The following IQCM variants were observed in gnomAD, a reference collection of about 807,000 sequenced individuals.
IQCM encodes the protein IQ motif containing M, also known as IQ domain-containing protein M.
A neutral mutation model predicts 57.6 loss-of-function variants in IQCM; 45 were observed. The ratio of observed to expected loss-of-function variants is 0.78; its 90% CI spans 0.62 to 1.00. IQCM has a LOEUF of 1.00. Among genes scored for constraint, IQCM ranks in the 50% least tolerant of loss-of-function variants. The probability of loss-of-function intolerance (pLI) is 0.00; values close to 1 mark genes in which losing one functional copy is unlikely to be tolerated. For synonymous variants in IQCM, 148 were observed against 158.9 expected (o/e 0.93, Z 0.51); for missense variants, 468 against 511.6 (o/e 0.91, Z 0.82).
At chr4:149,578,800 A>C (rs1324023921) in intron 9 of IQCM, among the ~76,000 whole-genome samples, 1 of 151,860 alleles carries the variant, frequency 6.6e-6, no homozygotes, top group Non-Finnish European at 1.5e-5. Flanking sequence ...TTTCCAAAAG[A>C]CTGGGGAGAC....
At chr4:149,607,414 A>T (rs1754887116) in intron 8 of IQCM, among the ~76,000 whole-genome samples, 1 of 152,134 alleles carries the variant, frequency 6.6e-6, no homozygotes, top group Non-Finnish European at 1.5e-5. Context: ...ACCTGAGAAA[A>T]AAAAGAGGTT....
chr4:149,494,170 G>A (rs903088872), intron 12 of IQCM, among the ~76,000 whole-genome samples: 3 of 151,918 alleles, frequency 2.0e-5, no homozygotes, highest in Admixed American at 6.6e-5. Flanking sequence ...CTCAGGCACA[G>A]CAGTCGTTTT....
chr4:149,689,091 G>A (rs1762758413), intron 5 of IQCM, among the ~76,000 whole-genome samples: 2 of 151,576 alleles, frequency 1.3e-5, no homozygotes, highest in African/African-American at 4.8e-5. Flanking sequence ...TAAAAACAAA[G>A]ATAAGGACAC....
chr4:149,432,655 C>T (rs1189864705), intron 13 of IQCM, among the ~76,000 whole-genome samples: 1 of 151,882 alleles, frequency 6.6e-6, no homozygotes, highest in Non-Finnish European at 1.5e-5. Flanking sequence ...AAATTGAAAA[C>T]TTCTGCTCTT....
chr4:149,734,081 C>A (rs529523142), intron 4 of IQCM, among the ~76,000 whole-genome samples: 49 of 152,088 alleles, frequency 3.2e-4, no homozygotes, highest in African/African-American at 1.0e-3. Context: ...TAATACAGCT[C>A]CAGGTCTCTG....
intron 2 of IQCM, among the ~76,000 whole-genome samples, chr4:149,757,556 C>T (rs926169721): frequency 6.6e-6 from 1 of 151,836 alleles, no homozygotes; most frequent in Non-Finnish European, 1.5e-5. Context: ...ATAAAATAGA[C>T]ATTAGATGAA....
intron 2 of IQCM, among the ~76,000 whole-genome samples, chr4:149,782,024 G>A (rs76144622): frequency 0.022 from 3,395 of 152,100 alleles, 64 homozygotes; most frequent in South Asian, 0.036. Context: ...AGAAGAGACC[G>A]TGTCTCAAAT....
intron 12 of IQCM, among the ~76,000 whole-genome samples, chr4:149,481,701 G>GTTTTTTTTTTTTTTTGTTTGTTTTTT (rs1740837055): frequency 1.2e-4 from 6 of 51,550 alleles, no homozygotes; most frequent in African/African-American, 4.5e-4. Context: ...TTCCAGTTTT[G>GTTTTTTTTTTTTTTTGTTTGTTTTTT]TTTTTTTTTT....
At chr4:149,743,879 A>G (rs764850488) in intron 2 of IQCM, among the ~76,000 whole-genome samples, 4 of 152,180 alleles carry the variant, frequency 2.6e-5, no homozygotes, top group Non-Finnish European at 5.9e-5. Flanking sequence ...ACATGCTCAA[A>G]TGGCTTTACA....
chr4:149,409,582 T>C (rs1041551704), intron 13 of IQCM, among the ~76,000 whole-genome samples: 2 of 152,230 alleles, frequency 1.3e-5, no homozygotes, highest in African/African-American at 4.8e-5. Context: ...GTTGGAAATT[T>C]GTGTGGTGAC....
chr4:149,559,756 T>G (rs1749940617), intron 10 of IQCM, among the ~76,000 whole-genome samples: 1 of 152,236 alleles, frequency 6.6e-6, no homozygotes, highest in South Asian at 2.1e-4. Flanking sequence ...GCACACGTTA[T>G]GTAATAAAAC....
At chr4:149,627,876 A>G (rs1180645870) in intron 7 of IQCM, among the ~76,000 whole-genome samples, 2 of 152,208 alleles carry the variant, frequency 1.3e-5, no homozygotes, top group African/African-American at 4.8e-5. Context: ...GGCAGACTTT[A>G]CTACAGAAGA....
chr4:149,782,836 T>C (rs1434933810), intron 2 of IQCM, among the ~76,000 whole-genome samples: 4 of 152,160 alleles, frequency 2.6e-5, no homozygotes, highest in Non-Finnish European at 4.4e-5. Context: ...GAAACATTTT[T>C]CTCACTTGGC....
At chr4:149,383,284 A>G (rs751510410) in intron 13 of IQCM, among the ~76,000 whole-genome samples, 6 of 152,206 alleles carry the variant, frequency 3.9e-5, no homozygotes, top group Non-Finnish European at 5.9e-5. Flanking sequence ...GACTTTCTCC[A>G]GTATCTAGGA....
intron 12 of IQCM, among the ~76,000 whole-genome samples, chr4:149,522,104 G>C (rs1458033255): frequency 2.6e-5 from 4 of 152,172 alleles, no homozygotes; most frequent in Non-Finnish European, 4.4e-5. Context: ...TAATCCCAGA[G>C]TTTCTGACAT....
intron 13 of IQCM, among the ~76,000 whole-genome samples, chr4:149,390,188 A>G (rs1731746981): frequency 1.3e-5 from 2 of 152,018 alleles, no homozygotes; most frequent in Non-Finnish European, 2.9e-5. Context: ...TGTTAGAATT[A>G]TTCTTTTAAA....
intron 7 of IQCM, among the ~76,000 whole-genome samples, chr4:149,624,147 A>AGTGT (rs34626095): frequency 1.9e-3 from 269 of 144,660 alleles, no homozygotes; most frequent in Admixed American, 4.8e-3. Context: ...ATGTGCCCCA[A>AGTGT]GTGTGTGTGT....
At chr4:149,718,891 C>A (rs1309820248) in intron 5 of IQCM, among the ~76,000 whole-genome samples, 1 of 152,172 alleles carries the variant, frequency 6.6e-6, no homozygotes, top group Non-Finnish European at 1.5e-5. Flanking sequence ...GATAGTCTCC[C>A]CACCCAAAAA....
chr4:149,488,981 A>T lies in IQCM; in HGVS notation c.1229-55424T>A, dbSNP rs537546447. Among the ~76,000 whole-genome samples the T allele has an allele frequency of 8.9e-4, 136 of 152,294 alleles. 1 individual carries two copies. The highest frequency in any genetic ancestry group is 3.1e-3 in the African/African-American group (130 of 41,586). The stretch of plus-strand genomic sequence containing the variant: ...TAAGATATTTTTACTAAAACTATAG[A>T]TCAACAAATTCTAGTGATTTCCAAA... On this transcript the variant is annotated intron_variant, in intron 12 of 13. Transcript: ENST00000636793.
Sources: allele counts gnomAD v4.1 joint callset (sites outside exome capture counted in the v4.1 genomes callset), GRCh38; gene constraint gnomAD v4.1.1; transcripts MANE v1.5; gene names NCBI Gene and HGNC (gene_info 2026-07-23, HGNC 2026-07-21).